The following PLPP4 variants were observed in gnomAD, a reference collection of about 807,000 sequenced individuals.
PLPP4 encodes diacylglycerol pyrophosphate like 2.
A neutral mutation model predicts 32.2 loss-of-function variants in PLPP4; 20 were observed. That is an observed-to-expected ratio of 0.62 (90% CI 0.44 to 0.90). The LOEUF is 0.90. Among genes scored for constraint, PLPP4 ranks in the 40% least tolerant of loss-of-function variants. The pLI is 0.00. For missense variants in PLPP4, 257 were observed against 353.1 expected, an observed-to-expected ratio of 0.73 and a Z score of 2.18; for synonymous variants, 127 against 133.0, an observed-to-expected ratio of 0.95 and a Z score of 0.31.
chr10:120,561,669 A>G (rs1031870689), intron 5 of PLPP4, among the ~76,000 whole-genome samples: 8 of 152,190 alleles, frequency 5.3e-5, no homozygotes, highest in African/African-American at 1.9e-4. Flanking sequence ...TGCTCATGCT[A>G]TGCATACAGT....
At chr10:120,558,411 CTTT>C (rs35962206) in intron 5 of PLPP4, among the ~76,000 whole-genome samples, 2 of 135,974 alleles carry the variant, frequency 1.5e-5, no homozygotes, top group Non-Finnish European at 3.1e-5. Flanking sequence ...TTCTTTCTTT[CTTT>C]TTTTTTTTTT....
At chr10:120,525,162 G>A (rs934313372) in intron 5 of PLPP4, among the ~76,000 whole-genome samples, 1 of 151,944 alleles carries the variant, frequency 6.6e-6, no homozygotes, top group Non-Finnish European at 1.5e-5. Context: ...ACTTTACAAT[G>A]GCCATGTTGA....
chr10:120,488,522 A>T (rs923940208), intron 1 of PLPP4, among the ~76,000 whole-genome samples: 1 of 152,386 alleles, frequency 6.6e-6, no homozygotes, highest in East Asian at 1.9e-4. Context: ...AGTGCATGAA[A>T]GAAAAGTAGG....
chr10:120,574,211 C>T (rs1335196187), intron 5 of PLPP4, among the ~76,000 whole-genome samples: 1 of 138,016 alleles, frequency 7.2e-6, no homozygotes, highest in African/African-American at 2.9e-5. Context: ...CTCTCTCTCT[C>T]TCTCTCTCTC....
chr10:120,521,150 G>C (rs200646908), intron 5 of PLPP4, 55 bp downstream of exon 5: 1 of 1,594,980 alleles, frequency 6.3e-7, no homozygotes, highest in Non-Finnish European at 8.6e-7. Context: ...CCTGCTCACT[G>C]TCTTTGGGAA....
At chr10:120,586,909 A>C (rs1849788919) in intron 6 of PLPP4, among the ~76,000 whole-genome samples, 1 of 152,180 alleles carries the variant, frequency 6.6e-6, no homozygotes, top group Non-Finnish European at 1.5e-5. Flanking sequence ...TGAGCTCTGA[A>C]ATATGAATAG....
intron 5 of PLPP4, among the ~76,000 whole-genome samples, chr10:120,559,043 T>G (rs1848297794): frequency 6.6e-6 from 1 of 152,220 alleles, no homozygotes; most frequent in African/African-American, 2.4e-5. Context: ...TTTTTGCTTG[T>G]CTGAAAGATG....
intron 5 of PLPP4, among the ~76,000 whole-genome samples, chr10:120,527,094 ATCTG>A (rs371633917): frequency 4.1e-5 from 6 of 147,096 alleles, no homozygotes; most frequent in Admixed American, 6.8e-5. Context: ...CTGTCTACCT[ATCTG>A]TCTATTTGTC....
intron 1 of PLPP4, 74 bp from the exon 2 acceptor site, chr10:120,503,744 A>AT: frequency 6.3e-7 from 1 of 1,589,072 alleles, no homozygotes; most frequent in Non-Finnish European, 8.6e-7. Context: ...GGTGCATAGA[A>AT]GGGGGGCCTC....
chr10:120,534,969 C>T (rs1457743581), intron 5 of PLPP4, among the ~76,000 whole-genome samples: 3 of 152,026 alleles, frequency 2.0e-5, no homozygotes, highest in Admixed American at 1.3e-4. Flanking sequence ...TTTCTGTTGC[C>T]TCCTTTTTCT....
chr10:120,457,303 A>T lies in PLPP4; in HGVS notation c.-3A>T, dbSNP rs1564768266. Reference sequence around the variant, plus strand: ...ACGCCGCGGGAGCTGCTCCGGCCGCACCATGCGGGAGCTGGCCATTGAGAT... The same window carrying T: ...ACGCCGCGGGAGCTGCTCCGGCCGCTCCATGCGGGAGCTGGCCATTGAGAT... On this transcript the variant is annotated 5_prime_UTR_variant, in exon 1 of 7. Coordinates refer to ENST00000398250, the MANE Select transcript of PLPP4 (RefSeq NM_001030059.3). The T allele has an allele frequency of 1.3e-6, 2 of 1,519,784 alleles. No individual in the cohort carries two copies. The highest frequency in any genetic ancestry group is 1.8e-6 in the Non-Finnish European group (2 of 1,132,088). The allele number at this position is 1,519,784 out of a possible 1,614,324, so 94.1% of individuals were successfully genotyped here. A position where few individuals can be genotyped will look rare whatever the true frequency, so the allele number is the denominator to read the frequency against.
chr10:120,577,420 G>A (rs550105371), intron 6 of PLPP4, among the ~76,000 whole-genome samples: 51 of 152,282 alleles, frequency 3.3e-4, no homozygotes, highest in African/African-American at 1.1e-3. Flanking sequence ...CTGTGGTAGT[G>A]TAACATGGCC....
In PLPP4 at chr10:120,589,697, G is replaced by A. The variant is rs1849933123; in HGVS notation, c.*195G>A. 1 of 577,954 alleles carries A rather than the reference G, an allele frequency of 1.7e-6. No homozygotes were observed. 35.8% of individuals were successfully genotyped at this position (577,954 alleles called of 1,614,324 possible). On this transcript the variant is annotated 3_prime_UTR_variant, in exon 7 of 7. Transcript: ENST00000398250. ...TTCCAACATCCTTGAATTTGCAAGTGAAGGACAACAATCTCTGAGAGACGT... is the reference window on the plus strand; with the variant it reads ...TTCCAACATCCTTGAATTTGCAAGTAAAGGACAACAATCTCTGAGAGACGT...
rs1368343126 is a variant in PLPP4 at position 120,521,032 on chromosome 10, T to C, written c.382T>C (p.Cys128Arg). 3.7e-6 allele frequency: 6 copies of C among 1,614,134 alleles called. No individual in the cohort carries two copies. Among genetic ancestry groups the C allele is most frequent in the Non-Finnish European group, 5.1e-6 (6 of 1,180,008 alleles). ...TGGAGTGATGAACTCGGAAATGCAT[T>C]GCACAGGTGACCCCGATCTGGTGTC... Reference protein sequence around the residue: ...PDGVMNSEMHCTGDPDLVSEG... With the variant: ...PDGVMNSEMHRTGDPDLVSEG... Residue 128 changes from cysteine (C) to arginine (R), a missense_variant, in exon 5 of 7, where the codon TGC becomes CGC. Coordinates refer to ENST00000398250, the MANE Select transcript of PLPP4 (RefSeq NM_001030059.3).
intron 1 of PLPP4, among the ~76,000 whole-genome samples, chr10:120,477,431 A>G (rs542851558): frequency 9.9e-5 from 15 of 150,978 alleles, no homozygotes; most frequent in Non-Finnish European, 1.5e-4. Flanking sequence ...AAGTGTTCCC[A>G]TCGTCAGTTT....
intron 1 of PLPP4, among the ~76,000 whole-genome samples, chr10:120,488,580 C>A (rs80035990): frequency 0.055 from 8,393 of 152,296 alleles, 277 homozygotes; most frequent in Middle Eastern, 0.15. Context: ...CATTGAAGGG[C>A]AAGAGGCTCC....
At chr10:120,499,818 A>G (rs1431126647) in intron 1 of PLPP4, among the ~76,000 whole-genome samples, 3 of 152,092 alleles carry the variant, frequency 2.0e-5, no homozygotes, top group African/African-American at 7.3e-5. Flanking sequence ...CCCTAGAAGC[A>G]GGGTTCCCAT....
chr10:120,544,638 CT>C (rs1209210831), intron 5 of PLPP4, among the ~76,000 whole-genome samples: 1 of 152,212 alleles, frequency 6.6e-6, no homozygotes, highest in Non-Finnish European at 1.5e-5. Flanking sequence ...CCCTTCTAGA[CT>C]ACAAGCCCCC....
chr10:120,514,313 T>A (rs1383025942), intron 3 of PLPP4, among the ~76,000 whole-genome samples: 1 of 152,130 alleles, frequency 6.6e-6, no homozygotes, highest in South Asian at 2.1e-4. Flanking sequence ...GCAAAGTAAA[T>A]CTAAAACTTT....
Sources: gnomAD v4.1 joint callset for allele counts (sites outside exome capture counted in the v4.1 genomes callset) on GRCh38, gnomAD v4.1.1 for gene constraint, MANE v1.5 for transcripts, NCBI Gene and HGNC (gene_info 2026-07-23, HGNC 2026-07-21) for gene names.